Variants in NFIA observed in about 807,000 individuals in gnomAD.
NFIA encodes the protein nuclear factor 1 A-type.
In NFIA, 8 loss-of-function variants were observed where a neutral mutation model predicts 62.8. That is an observed-to-expected ratio of 0.13 (90% CI 0.07 to 0.23). The LOEUF (loss-of-function observed/expected upper bound fraction) is 0.23, where lower values mean the gene tolerates loss of function less well. Among genes scored for constraint, NFIA ranks in the 10% least tolerant of loss-of-function variants. The pLI, the probability that NFIA is intolerant of heterozygous loss-of-function variation, is 1.00. For synonymous variants in NFIA, 235 were observed against 238.1 expected, an observed-to-expected ratio of 0.99 and a Z score of 0.12; for missense variants, 410 against 642.1, an observed-to-expected ratio of 0.64 and a Z score of 3.91.
intron 3 of NFIA, among the ~76,000 whole-genome samples, chr1:61,330,618 A>T (rs1661251930): frequency 6.6e-6 from 1 of 152,124 alleles, no homozygotes; most frequent in Non-Finnish European, 1.5e-5. Context: ...CCTTGCACCT[A>T]AATCACCCTA....
At chr1:61,276,669 A>C (rs1052271043) in intron 2 of NFIA, among the ~76,000 whole-genome samples, 7 of 152,174 alleles carry the variant, frequency 4.6e-5, no homozygotes, top group African/African-American at 1.7e-4. Context: ...TACCATAAAT[A>C]TGCTTGTTTC....
chr1:61,319,535 T>A (rs1660553498), intron 3 of NFIA, among the ~76,000 whole-genome samples: 1 of 152,064 alleles, frequency 6.6e-6, no homozygotes. Flanking sequence ...TCTGTGTGTG[T>A]CTGTCTGTTT....
chr1:61,090,184 TAA>T (rs1282266096), intron 2 of NFIA, among the ~76,000 whole-genome samples: 1 of 152,158 alleles, frequency 6.6e-6, no homozygotes, highest in African/African-American at 2.4e-5. Flanking sequence ...TTAAAATTTT[TAA>T]AAAATGTGTC....
At chr1:61,233,536 A>G (rs926133407) in intron 2 of NFIA, among the ~76,000 whole-genome samples, 4 of 152,228 alleles carry the variant, frequency 2.6e-5, no homozygotes, top group African/African-American at 9.6e-5. Flanking sequence ...GAGTCTCGTC[A>G]TAGTTGGTGC....
rs187303156 is a variant in NFIA at position 61,407,569 on chromosome 1, C to T, written c.1420+842C>T. ...ACAAAAAGAGTGATGGCTGGAGTTCCTAGGTGATGGATGCCCTAGCCTTGA... is the reference window on the plus strand; with the variant it reads ...ACAAAAAGAGTGATGGCTGGAGTTCTTAGGTGATGGATGCCCTAGCCTTGA... On this transcript the variant is annotated intron_variant, in intron 9 of 10. Transcript: ENST00000403491. 4.9e-3 allele frequency among the ~76,000 whole-genome samples: 725 copies of T among 147,304 alleles called. 17 individuals carry two copies. The East Asian group carries it at 0.053, about 11-fold the overall frequency.
chr1:61,420,551 G>C (rs2499534), intron 9 of NFIA, among the ~76,000 whole-genome samples: 11,391 of 151,928 alleles, frequency 0.075, 1,169 homozygotes, highest in African/African-American at 0.24. Flanking sequence ...GAATACCCAG[G>C]GTTCTGTTTA....
upstream of NFIA, chr1:61,081,705 G>GC: frequency 1.7e-6 from 1 of 590,658 alleles, no homozygotes. Flanking sequence ...CCAGACCCCC[G>GC]CCCCCCAAAT....
intron 7 of NFIA, among the ~76,000 whole-genome samples, chr1:61,386,748 G>A (rs1664706673): frequency 6.6e-6 from 1 of 152,234 alleles, no homozygotes; most frequent in Non-Finnish European, 1.5e-5. Flanking sequence ...AACACAGGGC[G>A]TTGAAGGGAG....
chr1:61,331,890 A>T (rs183211878), intron 3 of NFIA, among the ~76,000 whole-genome samples: 198 of 152,322 alleles, frequency 1.3e-3, no homozygotes, highest in Middle Eastern at 0.01. Flanking sequence ...TTGATTTATT[A>T]TCTTTTCTCA....
Position 61,459,404 on chromosome 1 carries a change from C to T in NFIA, c.*4084C>T, listed in dbSNP as rs35067979. On this transcript the variant is annotated 3_prime_UTR_variant, in exon 11 of 11. Transcript: ENST00000403491. ...AACGCCCCTTTTCTGATCATTCGTGCGCAGAGGGCCTCCCAGTAATGCCAC... is the reference window on the plus strand; with the variant it reads ...AACGCCCCTTTTCTGATCATTCGTGTGCAGAGGGCCTCCCAGTAATGCCAC... 8,618 of 152,348 alleles carry T rather than the reference C, an allele frequency of 0.057. 332 individuals carry two copies. Among genetic ancestry groups the T allele is most frequent in the Middle Eastern group, 0.095 (28 of 296 alleles). 9.4% of individuals were successfully genotyped at this position (152,348 alleles called of 1,614,324 possible).
chr1:61,196,986 A>T lies in NFIA; in HGVS notation c.560-80534A>T, dbSNP rs1298163892. ...TGTGATGCATATGTATTTGTGTTTA[A>T]TTAAACAGAGGGAATTGCTGGCTTT... is the stretch of plus-strand genomic sequence containing the variant. On this transcript the variant is annotated intron_variant, in intron 2 of 10. Transcript: ENST00000403491. 2.0e-5 allele frequency among the ~76,000 whole-genome samples: 3 copies of T among 150,494 alleles called. No individual in the cohort carries two copies. In the Admixed American group the frequency reaches 2.0e-4, roughly 10 times the overall value.
At chr1:61,419,551 T>G (rs557208343) in intron 9 of NFIA, among the ~76,000 whole-genome samples, 1 of 152,332 alleles carries the variant, frequency 6.6e-6, no homozygotes, top group East Asian at 1.9e-4. Flanking sequence ...AGGGTTACTC[T>G]GGTCTCCTCT....
At chr1:61,310,919 A>G (rs1043664562) in intron 3 of NFIA, among the ~76,000 whole-genome samples, 3 of 150,670 alleles carry the variant, frequency 2.0e-5, no homozygotes, top group African/African-American at 7.3e-5. Flanking sequence ...TGCTCTTTCC[A>G]CTCTTACTCA....
intron 4 of NFIA, 65 bp from the exon 5 acceptor site, chr1:61,352,385 G>A: frequency 9.1e-7 from 1 of 1,100,522 alleles, no homozygotes; most frequent in Non-Finnish European, 1.4e-6. Context: ...CAACACTGAG[G>A]ATGCTGTCAT....
chr1:61,110,207 G>A (rs1405671227), intron 2 of NFIA, among the ~76,000 whole-genome samples: 1 of 151,430 alleles, frequency 6.6e-6, no homozygotes, highest in East Asian at 1.9e-4. Flanking sequence ...ATGCAATTTG[G>A]CTAAATGGCC....
chr1:61,222,144 A>G (rs1218205287), intron 2 of NFIA, among the ~76,000 whole-genome samples: 3 of 152,182 alleles, frequency 2.0e-5, no homozygotes, highest in African/African-American at 7.2e-5. Context: ...AGAAATGGAT[A>G]GTGTGGGCTC....
chr1:61,089,808 G>A (rs1646288125), intron 2 of NFIA, among the ~76,000 whole-genome samples: 1 of 148,876 alleles, frequency 6.7e-6, no homozygotes, highest in Admixed American at 6.8e-5. Flanking sequence ...GAAGCCAGCT[G>A]ATAGCCTGTT....
At chr1:61,400,946 C>G (rs1228564731) in intron 7 of NFIA, among the ~76,000 whole-genome samples, 1 of 152,196 alleles carries the variant, frequency 6.6e-6, no homozygotes, top group Non-Finnish European at 1.5e-5. Flanking sequence ...TTGATGACAT[C>G]TTAATTCTGA....
At chr1:61,105,730 A>AT (rs1401963605) in intron 2 of NFIA, among the ~76,000 whole-genome samples, 2 of 151,892 alleles carry the variant, frequency 1.3e-5, no homozygotes, top group Admixed American at 6.6e-5. Context: ...TTGAGAGAAG[A>AT]TTATTTCCAT....
Sources: gnomAD v4.1 joint callset for allele counts (sites outside exome capture counted in the v4.1 genomes callset) on GRCh38, gnomAD v4.1.1 for gene constraint, MANE v1.5 for transcripts, NCBI Gene and HGNC (gene_info 2026-07-23, HGNC 2026-07-21) for gene names.